GPC5: variants seen among roughly 807,000 people sequenced by gnomAD.
The protein encoded by GPC5 is glypican 5.
In GPC5, 47 loss-of-function variants were observed where a neutral mutation model predicts 53.9. The ratio of observed to expected loss-of-function variants is 0.87; its 90% CI spans 0.69 to 1.11. The LOEUF (loss-of-function observed/expected upper bound fraction) is 1.11. Among genes scored for constraint, GPC5 ranks in the 50% most tolerant of loss-of-function variants. GPC5 has a pLI of 0.00. For synonymous variants in GPC5, 286 were observed against 263.3 expected, an observed-to-expected ratio of 1.09 and a Z score of -0.84; for missense variants, 748 against 713.1, an observed-to-expected ratio of 1.05 and a Z score of -0.56.
chr13:91,826,202 A>G (rs910608106), intron 5 of GPC5, among the ~76,000 whole-genome samples: 6 of 141,096 alleles, frequency 4.3e-5, no homozygotes, highest in Non-Finnish European at 9.4e-5. Flanking sequence ...AGATGTCTAC[A>G]TGTTGCATTT....
At chr13:92,737,267 T>A (rs1157862823) in intron 7 of GPC5, among the ~76,000 whole-genome samples, 1 of 152,090 alleles carries the variant, frequency 6.6e-6, no homozygotes, top group Non-Finnish European at 1.5e-5. Context: ...ATGATTCATG[T>A]GAACTGCAGT....
intron 6 of GPC5, among the ~76,000 whole-genome samples, chr13:92,011,099 A>T (rs970731777): frequency 6.6e-6 from 1 of 152,212 alleles, no homozygotes; most frequent in Admixed American, 6.5e-5. Context: ...ATATAACTCT[A>T]TATGTGTAGA....
chr13:91,726,858 G>T (rs959913210), intron 3 of GPC5, among the ~76,000 whole-genome samples: 2 of 152,176 alleles, frequency 1.3e-5, no homozygotes, highest in Non-Finnish European at 2.9e-5. Context: ...GAAATCTGAA[G>T]CAGCGCTTTC....
At chr13:92,038,593 C>T (rs1406327755) in intron 6 of GPC5, among the ~76,000 whole-genome samples, 1 of 150,462 alleles carries the variant, frequency 6.6e-6, no homozygotes, top group Non-Finnish European at 1.5e-5. Flanking sequence ...AGATCATGCT[C>T]ATAAACTCCT....
chr13:91,404,064 C>T (rs762899434), intron 1 of GPC5, among the ~76,000 whole-genome samples: 8 of 152,148 alleles, frequency 5.3e-5, no homozygotes, highest in Non-Finnish European at 8.8e-5. Flanking sequence ...CACTTATCAC[C>T]CCCCAATCCC....
chr13:92,114,296 TGTGCACACACACAG>T (rs2041582832), intron 6 of GPC5, among the ~76,000 whole-genome samples: 1 of 152,066 alleles, frequency 6.6e-6, no homozygotes, highest in African/African-American at 2.4e-5. Flanking sequence ...CTTGCATGAG[TGTGCACACACACAG>T]GCACACACAC....
intron 7 of GPC5, among the ~76,000 whole-genome samples, chr13:92,650,260 A>G (rs898558300): frequency 6.6e-6 from 1 of 152,118 alleles, no homozygotes; most frequent in Admixed American, 6.6e-5. Context: ...ATACGCTTTC[A>G]GGATAACAAG....
intron 2 of GPC5, among the ~76,000 whole-genome samples, chr13:91,564,978 T>C (rs2031458490): frequency 9.9e-6 from 1 of 101,210 alleles, no homozygotes; most frequent in South Asian, 4.2e-4. Flanking sequence ...TATTTATATT[T>C]CTGTGGCTTT....
intron 1 of GPC5, among the ~76,000 whole-genome samples, chr13:91,432,342 T>C (rs968618775): frequency 1.6e-4 from 25 of 152,212 alleles, no homozygotes; most frequent in East Asian, 5.8e-4. Flanking sequence ...TGAGAAGATA[T>C]TCTGTTTAGC....
chr13:92,590,287 C>T (rs185123322), intron 7 of GPC5, among the ~76,000 whole-genome samples: 9 of 152,054 alleles, frequency 5.9e-5, no homozygotes, highest in South Asian at 2.1e-4. Context: ...GAGGACACAC[C>T]GAGAATGAAA....
chr13:92,578,576 G>T (rs1329755537), intron 7 of GPC5, among the ~76,000 whole-genome samples: 1 of 152,146 alleles, frequency 6.6e-6, no homozygotes, highest in African/African-American at 2.4e-5. Flanking sequence ...CTGGAGCTCT[G>T]TTGTCCGAGG....
At chr13:91,730,939 G>A (rs342715) in intron 4 of GPC5, among the ~76,000 whole-genome samples, 109,862 of 152,018 alleles carry the variant, frequency 0.72, 39,797 homozygotes, top group Middle Eastern at 0.82. Context: ...GGAAATGTCA[G>A]TACTTTCCAC....
chr13:92,280,483 T>C (rs2042906731), intron 7 of GPC5, among the ~76,000 whole-genome samples: 1 of 152,212 alleles, frequency 6.6e-6, no homozygotes, highest in African/African-American at 2.4e-5. Context: ...AATGTAGGCA[T>C]TTATAGCTGT....
At chr13:91,780,802 G>A (rs2037785765) in intron 5 of GPC5, among the ~76,000 whole-genome samples, 1 of 152,104 alleles carries the variant, frequency 6.6e-6, no homozygotes, top group South Asian at 2.1e-4. Context: ...ATTCAACTTT[G>A]TTCAAGGTCA....
intron 7 of GPC5, among the ~76,000 whole-genome samples, chr13:92,445,378 A>G (rs569167027): frequency 2.0e-5 from 3 of 150,526 alleles, no homozygotes; most frequent in East Asian, 4.0e-4. Flanking sequence ...GGTTAGTTAC[A>G]TATGTATACA....
intron 7 of GPC5, among the ~76,000 whole-genome samples, chr13:92,816,336 C>T (rs1215703110): frequency 6.6e-6 from 1 of 152,004 alleles, no homozygotes; most frequent in Non-Finnish European, 1.5e-5. Context: ...ATATGATTTC[C>T]CCCCTTGGGT....
intron 1 of GPC5, among the ~76,000 whole-genome samples, chr13:91,437,752 G>T (rs2139052329): frequency 6.6e-6 from 1 of 152,304 alleles, no homozygotes; most frequent in South Asian, 2.1e-4. Context: ...CCTGCAGAGT[G>T]TTTTCCAACT....
intron 2 of GPC5, among the ~76,000 whole-genome samples, chr13:91,509,636 T>C (rs77257136): frequency 0.037 from 5,624 of 152,062 alleles, 130 homozygotes; most frequent in Middle Eastern, 0.065. Flanking sequence ...AAAAGAGTTT[T>C]ATATTAAACT....
chr13:92,042,893 T>G (rs114146094), intron 6 of GPC5, among the ~76,000 whole-genome samples: 53 of 152,294 alleles, frequency 3.5e-4, no homozygotes, highest in African/African-American at 1.2e-3. Flanking sequence ...TCTCATCAAA[T>G]GCAGAATATT....
Sources: gnomAD v4.1 joint callset for allele counts (sites outside exome capture counted in the v4.1 genomes callset) on GRCh38, gnomAD v4.1.1 for gene constraint, MANE v1.5 for transcripts, NCBI Gene and HGNC (gene_info 2026-07-23, HGNC 2026-07-21) for gene names.